MDM4: variants seen among roughly 807,000 people sequenced by gnomAD.
MDM4 encodes protein Mdm4.
A neutral mutation model predicts 60.2 loss-of-function variants in MDM4; 2 were observed. The ratio of observed to expected loss-of-function variants is 0.03; its 90% CI spans 0.01 to 0.10. The LOEUF (loss-of-function observed/expected upper bound fraction) is 0.10, where lower values mean the gene tolerates loss of function less well. MDM4 is among the 10% of genes least tolerant of loss of function. MDM4 has a pLI of 1.00. For synonymous variants in MDM4, 202 were observed against 198.1 expected (o/e 1.02, Z -0.17); for missense variants, 447 against 577.5 (o/e 0.77, Z 2.32).
At chr1:204,519,094 A>G (rs894822401) in intron 1 of MDM4, among the ~76,000 whole-genome samples, 1 of 152,218 alleles carries the variant, frequency 6.6e-6, no homozygotes, top group African/African-American at 2.4e-5. Context: ...TGTTTGAGAA[A>G]CTAAAAGATC....
chr1:204,542,389 A>G (rs1011444742), intron 7 of MDM4, among the ~76,000 whole-genome samples: 3 of 152,232 alleles, frequency 2.0e-5, no homozygotes. Context: ...ATCAGGCACT[A>G]TGTACTAGAG....
chr1:204,529,082 C>G (rs570840783), intron 3 of MDM4: 1 of 1,415,478 alleles, frequency 7.1e-7, no homozygotes, highest in East Asian at 2.4e-5. Context: ...CTTGCTGCAG[C>G]TCTGTGTAGC....
chr1:204,532,044 T>C, intron 4 of MDM4, 147 bp from the exon 5 acceptor site: 1 of 540,960 alleles, frequency 1.8e-6, no homozygotes, highest in Non-Finnish European at 3.2e-6. Flanking sequence ...TTAAAAACTG[T>C]TCTGGGAAAA....
chr1:204,549,494 G>T lies in MDM4; in HGVS notation c.1285G>T (p.Asp429Tyr). The T allele has an allele frequency of 6.2e-7, 1 of 1,610,428 alleles. No individual in the cohort carries two copies. Among genetic ancestry groups the T allele is most frequent in the Non-Finnish European group, 8.5e-7 (1 of 1,178,954 alleles). ...GAGAACAGATACAGAAAACATGGAG[G>T]ATTGCCAGAATCTCTTGAAGCCATG... Reference protein sequence around the residue: ...EQRTDTENMEDCQNLLKPCSL... With the variant: ...EQRTDTENMEYCQNLLKPCSL... The change falls in exon 11 of 11, where the codon GAT (aspartate) becomes TAT (tyrosine). Residue 429 changes from aspartate (D) to tyrosine (Y), a missense_variant. Transcript: ENST00000367182.
At chr1:204,518,822 C>T (rs1010734387) in intron 1 of MDM4, among the ~76,000 whole-genome samples, 1 of 152,294 alleles carries the variant, frequency 6.6e-6, no homozygotes, top group Non-Finnish European at 1.5e-5. Flanking sequence ...TGTGCCACCA[C>T]GCCCAGCTAA....
chr1:204,548,122 A>T (rs1662849358), intron 10 of MDM4, among the ~76,000 whole-genome samples: 1 of 152,270 alleles, frequency 6.6e-6, no homozygotes, highest in Non-Finnish European at 1.5e-5. Flanking sequence ...ATTGAATTTA[A>T]TAAGCCCTAT....
chr1:204,544,800 T>A (rs1433579369), intron 9 of MDM4, 116 bp downstream of exon 9: 8 of 958,340 alleles, frequency 8.3e-6, no homozygotes, highest in Non-Finnish European at 1.0e-5. Context: ...CTTTTTAACT[T>A]TAATTAATTT....
At chr1:204,539,436 G>A (rs1007990745) in intron 7 of MDM4, among the ~76,000 whole-genome samples, 1 of 151,606 alleles carries the variant, frequency 6.6e-6, no homozygotes, top group Non-Finnish European at 1.5e-5. Context: ...TGCTCTTTTA[G>A]CAACTCATGA....
Position 204,551,521 on chromosome 1 carries a change from G to T in MDM4, c.*1839G>T. On this transcript the variant is annotated 3_prime_UTR_variant, in exon 11 of 11. Coordinates refer to ENST00000367182, the MANE Select transcript of MDM4 (RefSeq NM_002393.5). Reference sequence around the variant, plus strand: ...ATAGGGAGTATGGCTGTTGTGAAAAGGGAGGTAAAGAGAAATGGTAGATCT... The same window carrying T: ...ATAGGGAGTATGGCTGTTGTGAAAATGGAGGTAAAGAGAAATGGTAGATCT... 5.5e-6 allele frequency: 1 copy of T among 181,722 alleles called. No individual in the cohort carries two copies. Among genetic ancestry groups the T allele is most frequent in the Non-Finnish European group, 1.0e-5 (1 of 95,568 alleles). 11.3% of individuals were successfully genotyped at this position (181,722 alleles called of 1,614,324 possible). A position where few individuals can be genotyped will look rare whatever the true frequency, so the allele number is the denominator to read the frequency against.
intron 7 of MDM4, among the ~76,000 whole-genome samples, chr1:204,538,946 C>T (rs1043537118): frequency 2.0e-5 from 3 of 151,216 alleles, no homozygotes; most frequent in African/African-American, 7.3e-5. Flanking sequence ...CTCAGCTCAC[C>T]GCAGCCTCCG....
At chr1:204,540,624 A>G (rs149294334) in intron 7 of MDM4, among the ~76,000 whole-genome samples, 5,147 of 150,722 alleles carry the variant, frequency 0.034, 150 homozygotes, top group Middle Eastern at 0.069. Context: ...TTAGCCGGAC[A>G]TGGTGGCAGG....
chr1:204,537,539 G>T, intron 6 of MDM4, 42 bp downstream of exon 6: 1 of 1,425,840 alleles, frequency 7.0e-7, no homozygotes, highest in Non-Finnish European at 9.9e-7. Context: ...GTACAGAGTG[G>T]CCCCTTCTCT....
intron 7 of MDM4, among the ~76,000 whole-genome samples, chr1:204,541,887 C>T (rs185743881): frequency 5.3e-5 from 8 of 152,260 alleles, no homozygotes; most frequent in South Asian, 2.1e-4. Context: ...CTTCAGCACA[C>T]GTTAACCCCA....
At chr1:204,526,546 C>T (rs1660184922) in intron 3 of MDM4, 112 bp downstream of exon 3, 2 of 729,962 alleles carry the variant, frequency 2.7e-6, no homozygotes, top group South Asian at 3.5e-5. Flanking sequence ...TCACTGCAAG[C>T]TCCGCCTCCT....
At chr1:204,530,167 C>T (rs1660722101) in intron 3 of MDM4, among the ~76,000 whole-genome samples, 1 of 152,208 alleles carries the variant, frequency 6.6e-6, no homozygotes, top group Non-Finnish European at 1.5e-5. Context: ...TGAACCACTT[C>T]AGCCGACTAA....
At chr1:204,535,124 G>A (rs2926532) in intron 5 of MDM4, among the ~76,000 whole-genome samples, 148,553 of 151,804 alleles carry the variant, frequency 0.98, 72,689 homozygotes, top group East Asian at 1. Flanking sequence ...TTTCATTTTG[G>A]TCAAGAAGAT....
chr1:204,539,187 T>C (rs542994051), intron 7 of MDM4, among the ~76,000 whole-genome samples: 1 of 151,964 alleles, frequency 6.6e-6, no homozygotes, highest in Non-Finnish European at 1.5e-5. Flanking sequence ...GGTTTTGCCA[T>C]GTTGGCCAGG....
rs1305424116 is a variant in MDM4, at chr1:204,553,899, G to C, written c.*4217G>C. The C allele has an allele frequency of 4.5e-6, 1 of 223,428 alleles. No individual in the cohort carries two copies. The highest frequency in any genetic ancestry group is 2.2e-5 in the African/African-American group (1 of 44,816). The allele number at this position is 223,428 out of a possible 1,614,324, so 13.8% of individuals were successfully genotyped here. On this transcript the variant is annotated 3_prime_UTR_variant, in exon 11 of 11. Coordinates refer to ENST00000367182, the MANE Select transcript of MDM4 (RefSeq NM_002393.5). Reference sequence around the variant, plus strand: ...AGTATGGGTTTCTAATCCTAGGCTTGTACAATGGATTGGAGTTGAGCCATG... The same window carrying C: ...AGTATGGGTTTCTAATCCTAGGCTTCTACAATGGATTGGAGTTGAGCCATG...
chr1:204,544,227 T>A (rs1662419428), intron 8 of MDM4, among the ~76,000 whole-genome samples: 1 of 152,234 alleles, frequency 6.6e-6, no homozygotes, highest in South Asian at 2.1e-4. Flanking sequence ...AGGGAATAGA[T>A]TCTATTTACT....
Sources: allele counts gnomAD v4.1 joint callset (sites outside exome capture counted in the v4.1 genomes callset), GRCh38; gene constraint gnomAD v4.1.1; transcripts MANE v1.5; gene names NCBI Gene and HGNC (gene_info 2026-07-23, HGNC 2026-07-21).